CALCR: variants seen among roughly 807,000 people sequenced by gnomAD.
The protein encoded by CALCR is calcitonin receptor.
Under a neutral mutation model 59.5 loss-of-function variants are expected in CALCR, and 47 were observed. The ratio of observed to expected loss-of-function variants is 0.79; its 90% CI spans 0.63 to 1.01. The LOEUF is 1.01. Ranked by LOEUF, CALCR falls within the 50% of genes least tolerant of loss-of-function variation. The pLI, the probability that CALCR is intolerant of heterozygous loss-of-function variation, is 0.00. For missense variants in CALCR, 566 were observed against 597.1 expected (o/e 0.95, Z 0.54); for synonymous variants, 213 against 211.3 (o/e 1.01, Z -0.07).
At chr7:93,534,238 T>C (rs1308881263) in intron 2 of CALCR, among the ~76,000 whole-genome samples, 1 of 151,864 alleles carries the variant, frequency 6.6e-6, no homozygotes, top group African/African-American at 2.4e-5. Flanking sequence ...ATTGTACTTA[T>C]ACATATAATA....
At chr7:93,560,138 C>T (rs1348996788) in intron 2 of CALCR, among the ~76,000 whole-genome samples, 1 of 152,050 alleles carries the variant, frequency 6.6e-6, no homozygotes, top group Non-Finnish European at 1.5e-5. Flanking sequence ...TTTTTCCTTC[C>T]TCATTTTCTC....
chr7:93,487,883 A>T (rs1258485396), intron 2 of CALCR, among the ~76,000 whole-genome samples: 1 of 151,496 alleles, frequency 6.6e-6, no homozygotes, highest in African/African-American at 2.4e-5. Context: ...ACTGGCCAAC[A>T]TGCAAATTCA....
At position 93,479,511 on chromosome 7, in the gene CALCR, T is replaced by C. The variant is rs777641497; in HGVS notation, c.52-4A>G. 1 of 1,608,856 alleles carries C rather than the reference T, an allele frequency of 6.2e-7. No homozygotes were observed. Among genetic ancestry groups the C allele is most frequent in the Non-Finnish European group, 8.5e-7 (1 of 1,177,816 alleles). ...CAGGAAGAATTGGGGTTGGGTGCTG[T>C]ATTAAAAAGAAAAATCAGTTACTTA... On this transcript the variant is annotated splice_region_variant and splice_polypyrimidine_tract_variant and intron_variant, in intron 3 of 13. Transcript: ENST00000426151.
chr7:93,555,244 G>A (rs987303826), intron 2 of CALCR, among the ~76,000 whole-genome samples: 34 of 152,102 alleles, frequency 2.2e-4, no homozygotes, highest in Non-Finnish European at 1.3e-4. Flanking sequence ...GGAGGTCAGG[G>A]TTTGATAGTT....
intron 7 of CALCR, among the ~76,000 whole-genome samples, chr7:93,463,618 G>A (rs1045683154): frequency 2.6e-5 from 4 of 151,910 alleles, no homozygotes; most frequent in Non-Finnish European, 2.9e-5. Flanking sequence ...ACAAACAGGC[G>A]CTCTTGCCTT....
At chr7:93,538,550 T>C (rs1789050315) in intron 2 of CALCR, among the ~76,000 whole-genome samples, 1 of 152,076 alleles carries the variant, frequency 6.6e-6, no homozygotes, top group South Asian at 2.1e-4. Flanking sequence ...AATACTGAAA[T>C]CATTCTGTTT....
At chr7:93,443,506 G>A in intron 9 of CALCR, 98 bp downstream of exon 9, 1 of 1,157,598 alleles carries the variant, frequency 8.6e-7, no homozygotes, top group Non-Finnish European at 1.2e-6. Flanking sequence ...AAGGACCTGG[G>A]ACTTGACTCT....
chr7:93,554,022 T>C (rs1388634788), intron 2 of CALCR, among the ~76,000 whole-genome samples: 1 of 152,222 alleles, frequency 6.6e-6, no homozygotes, highest in Non-Finnish European at 1.5e-5. Context: ...TCTGCTTTTG[T>C]TAGTTTGTTT....
chr7:93,491,016 G>A (rs1427642883), intron 2 of CALCR, among the ~76,000 whole-genome samples: 1 of 151,992 alleles, frequency 6.6e-6, no homozygotes, highest in East Asian at 1.9e-4. Flanking sequence ...ATGCTATAAG[G>A]CTACAGTAAC....
rs780390643 is a variant in CALCR at position 93,472,377 on chromosome 7, T to C, written c.427A>G (p.Lys143Glu). Residue 143 changes from lysine (K) to glutamate (E), a missense_variant and splice_region_variant, in exon 6 of 14, where the codon AAG (lysine) becomes GAG (glutamate). Physicochemically the swap from Lys to Glu is moderately conservative, Grantham distance 56. Transcript: ENST00000426151. ...MCNAFTPEKL[K>E]NAYVLYYLAI... ...CTGAAACGTGAAAAAGAACCTACCT[T>C]CAGTTTCTCAGGAGTGAAAGCATTG... The C allele has an allele frequency of 1.5e-5, 23 of 1,570,402 alleles. 1 individual carries two copies. The East Asian group carries it at 1.6e-4, about 11-fold the overall frequency.
chr7:93,543,980 A>G (rs1197097784), intron 2 of CALCR, among the ~76,000 whole-genome samples: 3 of 152,008 alleles, frequency 2.0e-5, no homozygotes, highest in Non-Finnish European at 4.4e-5. Context: ...AATTAAAAGT[A>G]AACAAGACAT....
intron 3 of CALCR, among the ~76,000 whole-genome samples, chr7:93,484,888 G>A (rs1048607901): frequency 6.6e-6 from 1 of 151,632 alleles, no homozygotes. Context: ...CTCGCAGGAG[G>A]GAGAGGAATT....
chr7:93,496,393 C>G (rs920540236), intron 2 of CALCR, among the ~76,000 whole-genome samples: 10 of 151,418 alleles, frequency 6.6e-5, no homozygotes, highest in African/African-American at 2.4e-4. Flanking sequence ...AATTAATAAC[C>G]CATCTATAGA....
intron 8 of CALCR, among the ~76,000 whole-genome samples, chr7:93,454,411 C>T (rs1167608779): frequency 6.6e-6 from 1 of 152,006 alleles, no homozygotes; most frequent in Non-Finnish European, 1.5e-5. Context: ...GTTTCAGTTT[C>T]TGAGGTGCAA....
chr7:93,529,523 G>A (rs982237756), intron 2 of CALCR, among the ~76,000 whole-genome samples: 3 of 152,076 alleles, frequency 2.0e-5, no homozygotes. Flanking sequence ...TAATTGCAAA[G>A]CAAATCAACA....
intron 2 of CALCR, among the ~76,000 whole-genome samples, chr7:93,546,719 AT>A (rs1427131547): frequency 7.2e-6 from 1 of 138,268 alleles, no homozygotes; most frequent in Non-Finnish European, 1.6e-5. Context: ...CACTTGGATA[AT>A]TTTTGTATTT....
chr7:93,494,520 T>G (rs1801155818), intron 2 of CALCR, among the ~76,000 whole-genome samples: 1 of 151,462 alleles, frequency 6.6e-6, no homozygotes, highest in African/African-American at 2.4e-5. Flanking sequence ...TTGTTTTGCC[T>G]ATTAATTGAA....
rs1299703067 is a variant in CALCR at position 93,468,799 on chromosome 7, T to C, written c.437A>G (p.Tyr146Cys). The C allele has an allele frequency of 6.4e-5, 100 of 1,572,074 alleles. No homozygotes were observed. Among genetic ancestry groups the C allele is most frequent in the Non-Finnish European group, 8.7e-5 (100 of 1,151,082 alleles). The change falls in exon 7 of 14, where the codon TAT becomes TGT. Residue 146 changes from tyrosine to cysteine, a missense_variant. Transcript: ENST00000426151. ...CACAATAGCCAAATAGTACAGAACA[T>C]ATGCATTCTGGAACAACAAAAAGTA... ...AFTPEKLKNAYVLYYLAIVGH... is the reference protein window; with the variant it reads ...AFTPEKLKNACVLYYLAIVGH...
chr7:93,442,592 A>C (rs1799929930), intron 9 of CALCR, among the ~76,000 whole-genome samples: 1 of 152,146 alleles, frequency 6.6e-6, no homozygotes, highest in Non-Finnish European at 1.5e-5. Flanking sequence ...TTTTTAAAAA[A>C]TCCCTTGGAT....
Sources: gnomAD v4.1 joint callset for allele counts (sites outside exome capture counted in the v4.1 genomes callset) on GRCh38, gnomAD v4.1.1 for gene constraint, MANE v1.5 for transcripts, NCBI Gene and HGNC (gene_info 2026-07-23, HGNC 2026-07-21) for gene names.